FBRS: variants seen among roughly 807,000 people sequenced by gnomAD.
FBRS encodes probable fibrosin-1.
Under a neutral mutation model 86.1 loss-of-function variants are expected in FBRS, and 15 were observed. That is an observed-to-expected ratio of 0.17 (90% CI 0.12 to 0.27). The LOEUF (loss-of-function observed/expected upper bound fraction) is 0.27, where lower values mean the gene tolerates loss of function less well. Among genes scored for constraint, FBRS ranks in the 10% least tolerant of loss-of-function variants. The pLI, the probability that FBRS is intolerant of heterozygous loss-of-function variation, is 1.00. For synonymous variants in FBRS, 666 were observed against 575.8 expected (o/e 1.16, Z -2.24); for missense variants, 1,367 against 1,301.6 (o/e 1.05, Z -0.77).
chr16:30,664,398 G>GGCCC lies in FBRS; in HGVS notation c.1239_1240insGCCC (p.Pro414AlafsTer37). 5 of 1,376,494 alleles carry GGCCC rather than the reference G, an allele frequency of 3.6e-6. No individual in the cohort carries two copies. The highest frequency in any genetic ancestry group is 3.9e-6 in the Non-Finnish European group (4 of 1,026,066). The allele number at this position is 1,376,494 out of a possible 1,614,324, so 85.3% of individuals were successfully genotyped here. On this transcript the variant is annotated frameshift_variant, in exon 7 of 18. Coordinates refer to ENST00000356166, the MANE Select transcript of FBRS (RefSeq NM_001105079.3). LOFTEE classifies it high-confidence loss of function. ...ACAGCTTTCCCCCTCCCGGGCTGCGGCCCCCCCCACCACCCCACCACCCCT... is the reference window on the plus strand; with the variant it reads ...ACAGCTTTCCCCCTCCCGGGCTGCGGGCCCCCCCCCCCACCACCCCACCACCCCT...
chr16:30,661,778 G>T (rs1055349684), intron 4 of FBRS, among the ~76,000 whole-genome samples: 3 of 152,022 alleles, frequency 2.0e-5, no homozygotes, highest in Non-Finnish European at 4.4e-5. Context: ...TTTATCCTTA[G>T]GGGCGATTTG....
chr16:30,667,762 C>G lies in FBRS; in HGVS notation c.2074+140C>G, dbSNP rs541872105. On this transcript the variant is annotated intron_variant, in intron 15 of 17. Coordinates refer to ENST00000356166, the MANE Select transcript of FBRS (RefSeq NM_001105079.3). ...TGACCTTGGGCAGGTTACTCTACCC[C>G]CTCTGAGCCTTGATTTCCTCATCTG... The G allele has an allele frequency of 1.9e-4, 130 of 667,388 alleles. 3 individuals are homozygous for G. In the Middle Eastern group the frequency reaches 3.5e-3, roughly 18 times the overall value. The allele number at this position is 667,388 out of a possible 1,614,324, so 41.3% of individuals were successfully genotyped here.
In FBRS at chr16:30,659,777, A is replaced by C. The variant is rs1341215808; in HGVS notation, c.259A>C (p.Arg87=). The part of the protein sequence containing the change: ...GGPRRRRPRP[R]PRPPRPRARK... ...CCCGAGACGCCGGCGGCCCCGTCCG[A>C]GACCTCGACCCCCGCGACCCCGAGC... The change falls in exon 1 of 18, where the codon AGA becomes CGA. Residue 87 remains arginine (R), a synonymous_variant. Coordinates refer to ENST00000356166, the MANE Select transcript of FBRS (RefSeq NM_001105079.3). 5.4e-6 allele frequency: 8 copies of C among 1,477,466 alleles called. No homozygotes were observed. The allele number at this position is 1,477,466 out of a possible 1,614,324, so 91.5% of individuals were successfully genotyped here.
rs1206493717 is a variant in FBRS at position 30,662,852 on chromosome 16, A to G, written c.1048A>G (p.Thr350Ala). 4.8e-6 allele frequency: 7 copies of G among 1,446,724 alleles called. No individual in the cohort carries two copies. The highest frequency in any genetic ancestry group is 5.5e-6 in the Non-Finnish European group (6 of 1,095,680). 89.6% of individuals were successfully genotyped at this position (1,446,724 alleles called of 1,614,324 possible). A position where few individuals can be genotyped will look rare whatever the true frequency, so the allele number is the denominator to read the frequency against. The change falls in exon 6 of 18, where the codon ACT becomes GCT. Residue 350 changes from threonine to alanine, a missense_variant. Thr to Ala is a moderately conservative substitution (Grantham distance 58, BLOSUM62 0). Coordinates refer to ENST00000356166, the MANE Select transcript of FBRS (RefSeq NM_001105079.3). ...ATATGGCAGCAGCCTGGACCTCAGC[A>G]CTGGCAGGTGAGTGGTCTTGGGGGA... The part of the protein sequence containing the change: ...SPYGSSLDLS[T>A]GSSSRPPPKA...
rs909970219 is a variant in FBRS at position 30,664,501 on chromosome 16, G to A, written c.1342G>A (p.Ala448Thr). The A allele has an allele frequency of 4.8e-5, 68 of 1,404,286 alleles. No individual in the cohort carries two copies. Among genetic ancestry groups the A allele is most frequent in the South Asian group, 7.7e-5 (5 of 64,738 alleles). The allele number at this position is 1,404,286 out of a possible 1,614,324, so 87.0% of individuals were successfully genotyped here. Residue 448 changes from alanine (A) to threonine (T), a missense_variant, in exon 7 of 18, where the codon GCT becomes ACT. Physicochemically the swap from Ala to Thr is moderately conservative, Grantham distance 58. Transcript: ENST00000356166. ...GCCAGGGCACCCTGGGGCCTCAGCC[G>A]CTAACGCCCTTTCTGGTGAGTTTGG... ...QVPGHPGASAANALSEQDLIG... is the reference protein window; with the variant it reads ...QVPGHPGASATNALSEQDLIG...
At chr16:30,666,459 T>C in intron 11 of FBRS, 53 bp from the exon 12 acceptor site, 1 of 1,613,020 alleles carries the variant, frequency 6.2e-7, no homozygotes, top group Non-Finnish European at 8.5e-7. Flanking sequence ...GCGAGGCGCC[T>C]GGCCCAGGAC....
At chr16:30,667,216 AT>A in intron 13 of FBRS, 103 bp from the exon 14 acceptor site, 1 of 1,038,518 alleles carries the variant, frequency 9.6e-7, no homozygotes, top group East Asian at 2.6e-5. Context: ...TCCAGGCCCC[AT>A]CTGGGTGCCA....
In FBRS at chr16:30,662,818, C is replaced by G; in HGVS notation, c.1014C>G (p.Arg338=). 6.8e-7 allele frequency: 1 copy of G among 1,471,326 alleles called. No individual in the cohort carries two copies. Among genetic ancestry groups the G allele is most frequent in the South Asian group, 1.4e-5 (1 of 72,092 alleles). The allele number at this position is 1,471,326 out of a possible 1,614,324, so 91.1% of individuals were successfully genotyped here. A position where few individuals can be genotyped will look rare whatever the true frequency, so the allele number is the denominator to read the frequency against. ...TTCGGGTCTCACCCTTCGGCCTCCG[C>G]ACTTCTCCATATGGCAGCAGCCTGG... The part of the protein sequence containing the change: ...LQLRVSPFGL[R]TSPYGSSLDL... The change falls in exon 6 of 18, where the codon CGC becomes CGG. Residue 338 remains arginine (R), a synonymous_variant. Coordinates refer to ENST00000356166, the MANE Select transcript of FBRS (RefSeq NM_001105079.3).
At position 30,659,791 on chromosome 16, in the gene FBRS, G is replaced by A; in HGVS notation, c.273G>A (p.Pro91=). 1 of 1,498,478 alleles carries A rather than the reference G, an allele frequency of 6.7e-7. No homozygotes were observed. Among genetic ancestry groups the A allele is most frequent in the Non-Finnish European group, 8.9e-7 (1 of 1,128,874 alleles). The allele number at this position is 1,498,478 out of a possible 1,614,324, so 92.8% of individuals were successfully genotyped here. A position where few individuals can be genotyped will look rare whatever the true frequency, so the allele number is the denominator to read the frequency against. The change falls in exon 1 of 18, where the codon CCG becomes CCA. Residue 91 remains proline, a synonymous_variant. Transcript: ENST00000356166. ...RRRPRPRPRP[P]RPRARKRPAG... is the part of the protein sequence containing the mutation. Reference sequence around the variant, plus strand: ...GGCCCCGTCCGAGACCTCGACCCCCGCGACCCCGAGCTCGGAAGCGGCCTG... The same window carrying A: ...GGCCCCGTCCGAGACCTCGACCCCCACGACCCCGAGCTCGGAAGCGGCCTG...
intron 2 of FBRS, 176 bp downstream of exon 2, chr16:30,660,618 G>A: frequency 2.8e-6 from 3 of 1,071,640 alleles, no homozygotes; most frequent in Non-Finnish European, 3.6e-6. Context: ...TCTACAGTCA[G>A]GTGCACCTCC....
Position 30,669,387 on chromosome 16 carries a change from C to T in FBRS, c.2685C>T (p.Pro895=), listed in dbSNP as rs372745838. ...CACCCCCACGCCTGGCAAGGCCACC[C>T]CGCTTCTATGAGGCGGGTGAGGAGC... is the stretch of plus-strand genomic sequence containing the variant. ...LAAPPRLARP[P]RFYEAGEELT... is the part of the protein sequence containing the mutation. The change falls in exon 18 of 18, where the codon CCC becomes CCT. Residue 895 remains proline, a synonymous_variant. Transcript: ENST00000356166. The surrounding 1 kb of genome is among the most constrained non-coding windows in gnomAD (Gnocchi z 5.9). 9.3e-6 allele frequency: 15 copies of T among 1,612,716 alleles called. No individual in the cohort carries two copies. The African/African-American group carries it at 1.5e-4, about 16-fold the overall frequency.
Position 30,670,530 on chromosome 16 carries a change from C to T in FBRS, c.*885C>T, listed in dbSNP as rs536707127. On this transcript the variant is annotated 3_prime_UTR_variant, in exon 18 of 18. Coordinates refer to ENST00000356166, the MANE Select transcript of FBRS (RefSeq NM_001105079.3). ...CCCTGCTTCCCTGAACCCTGTTCTC[C>T]AAAACCCTGCCCCAGGCTAAGGGTG... 1.4e-4 allele frequency: 38 copies of T among 269,490 alleles called. 1 individual carries two copies. The highest frequency in any genetic ancestry group is 8.8e-4 in the African/African-American group (38 of 43,272). The allele number at this position is 269,490 out of a possible 1,614,324, so 16.7% of individuals were successfully genotyped here. A position where few individuals can be genotyped will look rare whatever the true frequency, so the allele number is the denominator to read the frequency against.
At chr16:30,668,703 C>T in intron 16 of FBRS, 60 bp downstream of exon 16, 1 of 1,585,532 alleles carries the variant, frequency 6.3e-7, no homozygotes, top group Non-Finnish European at 8.6e-7. Context: ...CTCAGACGGT[C>T]TGGGAGGAGG....
In FBRS at chr16:30,664,425, C is replaced by CCAGGT. The variant is rs2052497423; in HGVS notation, c.1266_1267insCAGGT (p.Leu423GlnfsTer36). 7.1e-7 allele frequency: 1 copy of CCAGGT among 1,401,628 alleles called. No homozygotes were observed. The highest frequency in any genetic ancestry group is 9.5e-7 in the Non-Finnish European group (1 of 1,054,450). 86.8% of individuals were successfully genotyped at this position (1,401,628 alleles called of 1,614,324 possible). On this transcript the variant is annotated frameshift_variant, in exon 7 of 18. Transcript: ENST00000356166. LOFTEE classifies it high-confidence loss of function. Reference sequence around the variant, plus strand: ...CCCCCCCACCACCCCACCACCCCTCCTTGTTCTCCCCTGGCCCCACCCTGC... The same window carrying CCAGGT: ...CCCCCCCACCACCCCACCACCCCTCCCAGGTTTGTTCTCCCCTGGCCCCACCCTGC...
In FBRS at chr16:30,669,957, C is replaced by A. The variant is rs563822289; in HGVS notation, c.*312C>A. 88 of 534,068 alleles carry A rather than the reference C, an allele frequency of 1.6e-4. No individual in the cohort carries two copies. The highest frequency in any genetic ancestry group is 3.1e-5 in the Non-Finnish European group (9 of 294,484). 33.1% of individuals were successfully genotyped at this position (534,068 alleles called of 1,614,324 possible). A position where few individuals can be genotyped will look rare whatever the true frequency, so the allele number is the denominator to read the frequency against. On this transcript the variant is annotated 3_prime_UTR_variant, in exon 18 of 18. Coordinates refer to ENST00000356166, the MANE Select transcript of FBRS (RefSeq NM_001105079.3). The surrounding 1 kb of genome is among the most constrained non-coding windows in gnomAD (Gnocchi z 5.9). ...TTGCCCCTGTAAGGGCCTCTAGGCC[C>A]TGGGCCTGCCTCCCCAAGGGCTCAC...
intron 15 of FBRS, chr16:30,667,847 C>T (rs1054312976): frequency 4.4e-6 from 2 of 453,476 alleles, no homozygotes; most frequent in African/African-American, 2.0e-5. Context: ...CCCTGTCTCC[C>T]AGTAGCCAGT....
rs755204848 is a variant in FBRS at position 30,670,250 on chromosome 16, G to T, written c.*605G>T. The T allele has an allele frequency of 2.2e-6, 1 of 456,186 alleles. No homozygotes were observed. Among genetic ancestry groups the T allele is most frequent in the African/African-American group, 2.0e-5 (1 of 49,944 alleles). The allele number at this position is 456,186 out of a possible 1,614,324, so 28.3% of individuals were successfully genotyped here. A position where few individuals can be genotyped will look rare whatever the true frequency, so the allele number is the denominator to read the frequency against. ...AAAGGGGACTGCAGGGGGAAGAGCC[G>T]GGAAGGGACAGTCAGGCTTCTCCCT... On this transcript the variant is annotated 3_prime_UTR_variant, in exon 18 of 18. Coordinates refer to ENST00000356166, the MANE Select transcript of FBRS (RefSeq NM_001105079.3).
At chr16:30,666,031 C>T (rs909021190) in intron 11 of FBRS, 4 of 410,052 alleles carry the variant, frequency 9.8e-6, no homozygotes, top group African/African-American at 2.1e-5. Context: ...AGATAAGCTG[C>T]CCCTTGGTGA....
intron 4 of FBRS, chr16:30,662,192 C>A: frequency 1.6e-6 from 1 of 616,810 alleles, no homozygotes; most frequent in Non-Finnish European, 2.7e-6. Context: ...AACGCTGCCT[C>A]CATTTAGTCC....
Sources: gnomAD v4.1 joint callset for allele counts (sites outside exome capture counted in the v4.1 genomes callset) on GRCh38, gnomAD v4.1.1 for gene constraint, Gnocchi (gnomAD v3.1) non-coding constraint, MANE v1.5 for transcripts, NCBI Gene and HGNC (gene_info 2026-07-23, HGNC 2026-07-21) for gene names.